The following GPSM2 variants were observed in gnomAD, a reference collection of about 807,000 sequenced individuals.
The protein encoded by GPSM2 is G protein signaling modulator 2.
Under a neutral mutation model 78.4 loss-of-function variants are expected in GPSM2, and 58 were observed. The ratio of observed to expected loss-of-function variants is 0.74; its 90% confidence interval spans 0.60 to 0.92. The LOEUF (loss-of-function observed/expected upper bound fraction) is 0.92, where lower values mean the gene tolerates loss of function less well. GPSM2 is among the 40% of genes least tolerant of loss of function. The probability of loss-of-function intolerance (pLI) is 0.00; values close to 1 mark genes in which losing one functional copy is unlikely to be tolerated. For missense variants in GPSM2, 700 were observed against 815.5 expected (o/e 0.86, Z 1.73); for synonymous variants, 224 against 280.2 (o/e 0.80, Z 2.00).
intron 3 of GPSM2, 110 bp downstream of exon 3, chr1:108,897,195 C>T (rs900880471): frequency 2.3e-5 from 19 of 842,106 alleles, no homozygotes; most frequent in Non-Finnish European, 3.1e-5. Flanking sequence ...ATGAGTTCTA[C>T]TTCAGTAACA....
At chr1:108,929,256 G>C (rs1336468445) in intron 14 of GPSM2, among the ~76,000 whole-genome samples, 1 of 152,144 alleles carries the variant, frequency 6.6e-6, no homozygotes, top group African/African-American at 2.4e-5. Context: ...CTGTCCCCTA[G>C]CCTAAGACGT....
chr1:108,926,750 CAT>C (rs1463366800), intron 14 of GPSM2: 5 of 152,054 alleles, frequency 3.3e-5, no homozygotes, highest in Non-Finnish European at 7.4e-5. Flanking sequence ...ATATATGAAA[CAT>C]GTACCGCTGA....
chr1:108,890,012 T>C (rs1458413998), intron 2 of GPSM2, among the ~76,000 whole-genome samples: 2 of 152,192 alleles, frequency 1.3e-5, no homozygotes, highest in African/African-American at 4.8e-5. Context: ...CTTCCCACTT[T>C]CTTTGTTTAG....
intron 12 of GPSM2, among the ~76,000 whole-genome samples, chr1:108,919,084 T>C (rs1163643890): frequency 6.6e-6 from 1 of 152,088 alleles, no homozygotes; most frequent in African/African-American, 2.4e-5. Flanking sequence ...CTCAGCTCAC[T>C]GTGACCTCTG....
intron 10 of GPSM2, among the ~76,000 whole-genome samples, chr1:108,904,468 G>T (rs1342307153): frequency 6.7e-6 from 1 of 148,256 alleles, no homozygotes; most frequent in Non-Finnish European, 1.5e-5. Context: ...TAATTTATAA[G>T]TGTAAAACAA....
intron 10 of GPSM2, 50 bp from the exon 11 acceptor site, chr1:108,914,288 T>A (rs763297137): frequency 2.5e-6 from 3 of 1,206,474 alleles, no homozygotes; most frequent in Non-Finnish European, 3.7e-6. Flanking sequence ...GCTGAACTTG[T>A]ACTCTTAAGG....
Position 108,901,829 on chromosome 1 carries a change from T to G in GPSM2, c.837T>G (p.Ala279=). Residue 279 remains alanine (A), a synonymous_variant, in exon 8 of 15, where the codon GCT becomes GCG. Transcript: ENST00000264126. ...LLLARQLKDR[A]VEAQSCYSLG... is the part of the protein sequence containing the mutation. ...TGGCCCGACAGCTTAAAGACCGAGC[T>G]GTAGAAGCACAGTCTTGTTACAGTC... 11 of 1,612,722 alleles carry G rather than the reference T, an allele frequency of 6.8e-6. No individual in the cohort carries two copies. Among genetic ancestry groups the G allele is most frequent in the Non-Finnish European group, 9.3e-6 (11 of 1,178,700 alleles).
intron 7 of GPSM2, among the ~76,000 whole-genome samples, chr1:108,899,997 A>T (rs1648662483): frequency 6.6e-6 from 1 of 152,142 alleles, no homozygotes; most frequent in Non-Finnish European, 1.5e-5. Flanking sequence ...TTTAAATATA[A>T]AAATTTCCTA....
rs1172268224 is a variant in GPSM2 at position 108,887,680 on chromosome 1, G to C, written c.56+2102G>C. ...AGGGTTGCATACAGACCTTCCTATT[G>C]CACCCTTCTAGATGGGCTGCTTAGG... On this transcript the variant is annotated intron_variant, in intron 2 of 14. Transcript: ENST00000264126. Among the ~76,000 whole-genome samples, 12 of 152,090 alleles carry C rather than the reference G, an allele frequency of 7.9e-5. No homozygotes were observed. The East Asian group carries it at 2.3e-3, about 29-fold the overall frequency.
At chr1:108,920,234 C>G (rs78011010) in intron 12 of GPSM2, among the ~76,000 whole-genome samples, 1 of 151,814 alleles carries the variant, frequency 6.6e-6, no homozygotes, top group East Asian at 1.9e-4. Context: ...TTCGGGAGGC[C>G]AAGGCAGGCG....
rs1379681423 is a variant in GPSM2, at chr1:108,903,156, A to G, written c.984A>G (p.Leu328=). ...GTGAAGGAAGAGCATGTTGGAGCTT[A>G]GGAAATGCATACACAGCACTAGGAA... ...RIGEGRACWS[L]GNAYTALGNH... Residue 328 remains leucine (L), a synonymous_variant, in exon 9 of 15, where the codon TTA becomes TTG. Transcript: ENST00000264126. 1.2e-6 allele frequency: 2 copies of G among 1,609,498 alleles called. No homozygotes were observed. The highest frequency in any genetic ancestry group is 1.3e-5 in the African/African-American group (1 of 74,960).
At chr1:108,895,890 A>G (rs575832647) in intron 2 of GPSM2, among the ~76,000 whole-genome samples, 29 of 152,356 alleles carry the variant, frequency 1.9e-4, no homozygotes, top group Non-Finnish European at 3.2e-4. Flanking sequence ...GAATATACAT[A>G]TAAGTATCGT....
intron 12 of GPSM2, among the ~76,000 whole-genome samples, chr1:108,919,892 G>A (rs1212745753): frequency 6.6e-6 from 1 of 152,216 alleles, no homozygotes; most frequent in Non-Finnish European, 1.5e-5. Context: ...TCTGCCGGGT[G>A]CAGTGGCTCA....
chr1:108,924,893 C>A lies in GPSM2; in HGVS notation c.1815+679C>A, dbSNP rs577946308. On this transcript the variant is annotated intron_variant, in intron 14 of 14. Transcript: ENST00000264126. ...TACTGGGAGTGTCCTCAAAGAGGAT[C>A]CTGGCTACTGATGGAAGAACGTAGA... 3.3e-5 allele frequency among the ~76,000 whole-genome samples: 5 copies of A among 152,190 alleles called. No homozygotes were observed. The South Asian group carries it at 1.0e-3, about 32-fold the overall frequency.
intron 1 of GPSM2, among the ~76,000 whole-genome samples, chr1:108,879,800 T>C (rs892433780): frequency 2.0e-5 from 3 of 151,904 alleles, no homozygotes; most frequent in Non-Finnish European, 4.4e-5. Flanking sequence ...GGGTGACAGA[T>C]CAAGACTCCA....
chr1:108,917,595 T>TACAC (rs71593443), intron 11 of GPSM2, among the ~76,000 whole-genome samples: 783 of 56,880 alleles, frequency 0.014, 26 homozygotes, highest in African/African-American at 0.019. Flanking sequence ...AACAAATGTA[T>TACAC]ACACACACAC....
At position 108,930,129 on chromosome 1, in the gene GPSM2, G is replaced by A; in HGVS notation, c.*189G>A. ...TGGACATGCGCGTTTGAGGGTGGAG[G>A]GGTCCTGTAAGGTGCTTCATCGTCT... On this transcript the variant is annotated 3_prime_UTR_variant, in exon 15 of 15. Coordinates refer to ENST00000264126, the MANE Select transcript of GPSM2 (RefSeq NM_013296.5). The A allele has an allele frequency of 1.7e-6, 1 of 604,614 alleles. No individual in the cohort carries two copies. The highest frequency in any genetic ancestry group is 2.9e-6 in the Non-Finnish European group (1 of 348,174). The allele number at this position is 604,614 out of a possible 1,614,324, so 37.5% of individuals were successfully genotyped here.
At chr1:108,892,217 C>T (rs910212070) in intron 2 of GPSM2, among the ~76,000 whole-genome samples, 1 of 152,130 alleles carries the variant, frequency 6.6e-6, no homozygotes, top group African/African-American at 2.4e-5. Context: ...TATGTAAGCC[C>T]TTTGAAGCAA....
chr1:108,887,298 G>A (rs1647636970), intron 2 of GPSM2, among the ~76,000 whole-genome samples: 1 of 152,146 alleles, frequency 6.6e-6, no homozygotes, highest in African/African-American at 2.4e-5. Context: ...AAAGAGGCCT[G>A]TAACAGACAC....
Sources: gnomAD v4.1 joint callset for allele counts (sites outside exome capture counted in the v4.1 genomes callset) on GRCh38, gnomAD v4.1.1 for gene constraint, MANE v1.5 for transcripts, NCBI Gene and HGNC (gene_info 2026-07-23, HGNC 2026-07-21) for gene names.